The following RC3H2 variants were observed in gnomAD, a reference collection of about 807,000 sequenced individuals.
RC3H2 encodes roquin-2.
In RC3H2, 31 loss-of-function variants were observed where a neutral mutation model predicts 133.3. The observed-to-expected ratio is 0.23, with a 90% CI of 0.17 to 0.31. The LOEUF is 0.31. RC3H2 is among the 10% of genes least tolerant of loss of function. The pLI, the probability that RC3H2 is intolerant of heterozygous loss-of-function variation, is 1.00. For missense variants in RC3H2, 1,175 were observed against 1,437.2 expected, an observed-to-expected ratio of 0.82 and a Z score of 2.95; for synonymous variants, 517 against 502.2, an observed-to-expected ratio of 1.03 and a Z score of -0.40.
At chr9:122,885,542 T>C (rs1421164110) in intron 4 of RC3H2, among the ~76,000 whole-genome samples, 1 of 152,222 alleles carries the variant, frequency 6.6e-6, no homozygotes, top group Non-Finnish European at 1.5e-5. Context: ...GGAACTATAA[T>C]GGCAAAAACC....
At chr9:122,880,338 C>T (rs1430467185) in intron 6 of RC3H2, 6 of 783,994 alleles carry the variant, frequency 7.7e-6, no homozygotes, top group Non-Finnish European at 1.3e-5. Flanking sequence ...TATTAACTCT[C>T]TGAGGTCAGA....
In RC3H2 at chr9:122,849,460, C is replaced by A; in HGVS notation, c.*167G>T. 4.9e-6 allele frequency: 1 copy of A among 205,358 alleles called. No individual in the cohort carries two copies. The highest frequency in any genetic ancestry group is 2.4e-5 in the African/African-American group (1 of 42,166). The allele number at this position is 205,358 out of a possible 1,614,324, so 12.7% of individuals were successfully genotyped here. On this transcript the variant is annotated 3_prime_UTR_variant, in exon 21 of 21. Coordinates refer to ENST00000357244, the MANE Select transcript of RC3H2 (RefSeq NM_001100588.3). ...AATTTTCTTTTTTTTTTTCATAATG[C>A]TAATGCAAGAGGGCTTGAAGTATCA... is the stretch of plus-strand genomic sequence containing the variant.
chr9:122,887,355 T>C (rs1258981708), intron 4 of RC3H2, among the ~76,000 whole-genome samples: 1 of 152,118 alleles, frequency 6.6e-6, no homozygotes, highest in East Asian at 1.9e-4. Context: ...TAGGAGCTCC[T>C]TCATGTTCAA....
intron 9 of RC3H2, among the ~76,000 whole-genome samples, chr9:122,872,694 C>A (rs1379647374): frequency 2.0e-5 from 3 of 152,188 alleles, no homozygotes; most frequent in Non-Finnish European, 2.9e-5. Flanking sequence ...ACGCGATTCT[C>A]GTGCCTCAGC....
At chr9:122,858,623 G>T in intron 12 of RC3H2, 46 bp downstream of exon 12, 2 of 1,526,338 alleles carry the variant, frequency 1.3e-6, no homozygotes, top group South Asian at 1.2e-5. Flanking sequence ...TTTGACTCCA[G>T]ACACTGGGCT....
At chr9:122,878,697 T>C (rs1027149551) in intron 8 of RC3H2, among the ~76,000 whole-genome samples, 3 of 152,148 alleles carry the variant, frequency 2.0e-5, no homozygotes, top group Non-Finnish European at 1.5e-5. Flanking sequence ...GAATGGCTCA[T>C]AATAATTTAT....
intron 15 of RC3H2, 67 bp from the exon 16 acceptor site, chr9:122,854,682 A>G: frequency 9.9e-7 from 1 of 1,009,656 alleles, no homozygotes; most frequent in Middle Eastern, 2.0e-4. Flanking sequence ...GTGAATGTAT[A>G]CTTCTCAAAA....
chr9:122,895,229 G>T (rs1360772069), intron 2 of RC3H2, among the ~76,000 whole-genome samples: 5 of 149,464 alleles, frequency 3.3e-5, no homozygotes, highest in African/African-American at 9.9e-5. Flanking sequence ...GCACGATCTT[G>T]GCTCTCTGCA....
Position 122,846,809 on chromosome 9 carries a change from C to G in RC3H2, c.*2818G>C, listed in dbSNP as rs1370635519. 2 of 152,076 alleles carry G rather than the reference C, an allele frequency of 1.3e-5. No homozygotes were observed. Among genetic ancestry groups the G allele is most frequent in the African/African-American group, 4.8e-5 (2 of 41,410 alleles). 9.4% of individuals were successfully genotyped at this position (152,076 alleles called of 1,614,324 possible). ...TGCCTCAATTTTAAAAAGTCATATC[C>G]TAGGTCTGATTTGTAACATTTTCCT... On this transcript the variant is annotated 3_prime_UTR_variant, in exon 21 of 21. Coordinates refer to ENST00000357244, the MANE Select transcript of RC3H2 (RefSeq NM_001100588.3).
chr9:122,871,084 TTTATCTTTCCG>T (rs1831066254), intron 9 of RC3H2, among the ~76,000 whole-genome samples: 1 of 152,158 alleles, frequency 6.6e-6, no homozygotes, highest in Non-Finnish European at 1.5e-5. Flanking sequence ...AGGAGAATAA[TTTATCTTTCCG>T]CTACCAATTC....
chr9:122,870,844 T>C (rs1286840349), intron 9 of RC3H2, among the ~76,000 whole-genome samples: 1 of 152,224 alleles, frequency 6.6e-6, no homozygotes, highest in Admixed American at 6.5e-5. Flanking sequence ...AAAAGCTCAA[T>C]CCAATTCTTT....
Position 122,858,771 on chromosome 9 carries a change from G to C in RC3H2, c.2181C>G (p.Val727=). 1 of 1,614,216 alleles carries C rather than the reference G, an allele frequency of 6.2e-7. No homozygotes were observed. Among genetic ancestry groups the C allele is most frequent in the Non-Finnish European group, 8.5e-7 (1 of 1,180,012 alleles). ...LPPMDVMHSS[V]YQTSLRERYN... is the part of the protein sequence containing the mutation. ...ATCTTTCCCGCAAAGATGTCTGATA[G>C]ACAGATGAGTGCATCACATCCATTG... Residue 727 remains valine, a synonymous_variant, in exon 12 of 21, where the codon GTC becomes GTG. Coordinates refer to ENST00000357244, the MANE Select transcript of RC3H2 (RefSeq NM_001100588.3).
Position 122,899,090 on chromosome 9 carries a change from G to GGTTT in RC3H2, c.-67-1515_-67-1514insAAAC, listed in dbSNP as rs1564322863. Among the ~76,000 whole-genome samples the GGTTT allele has an allele frequency of 9.0e-5, 8 of 88,410 alleles. 3 individuals carry two copies. Among genetic ancestry groups the GGTTT allele is most frequent in the Non-Finnish European group, 8.1e-5 (4 of 49,386 alleles). 58.0% of individuals were successfully genotyped at this position (88,410 alleles called of 152,430 possible). On this transcript the variant is annotated intron_variant, in intron 1 of 20. Coordinates refer to ENST00000357244, the MANE Select transcript of RC3H2 (RefSeq NM_001100588.3). ...AAAAAATTCTATTAGCCTTTATTGT[G>GGTTT]TTTTTTTTTTTTTTTTTTTTTTTTT...
intron 11 of RC3H2, 42 bp from the exon 12 acceptor site, chr9:122,859,144 C>T (rs1277087255): frequency 1.4e-6 from 2 of 1,418,756 alleles, no homozygotes; most frequent in East Asian, 5.3e-5. Flanking sequence ...AATCTTAGTA[C>T]AATCCAACAT....
chr9:122,855,945 T>C, intron 13 of RC3H2, 67 bp from the exon 14 acceptor site: 1 of 1,287,956 alleles, frequency 7.8e-7, no homozygotes, highest in South Asian at 1.5e-5. Context: ...GTAACTAATA[T>C]AAAGTAACTA....
At chr9:122,868,895 GTTT>G (rs10709763) in intron 9 of RC3H2, among the ~76,000 whole-genome samples, 3 of 99,612 alleles carry the variant, frequency 3.0e-5, no homozygotes, top group Admixed American at 1.1e-4. Flanking sequence ...GTGTGTATGT[GTTT>G]TTTTTTTTTT....
Position 122,865,294 on chromosome 9 carries a change from G to C in RC3H2, c.1634+55C>G, listed in dbSNP as rs534352319. The C allele has an allele frequency of 2.7e-5, 39 of 1,432,460 alleles. No homozygotes were observed. In the African/African-American group the frequency reaches 4.6e-4, roughly 17 times the overall value. The allele number at this position is 1,432,460 out of a possible 1,614,324, so 88.7% of individuals were successfully genotyped here. ...TCATCAGCAGAAATAAAAACACTCA[G>C]GCATTTCTAAAAAGGAAAAAGAATT... On this transcript the variant is annotated intron_variant, in intron 10 of 20. Transcript: ENST00000357244.
At position 122,879,756 on chromosome 9, in the gene RC3H2, T is replaced by C; in HGVS notation, c.1211A>G (p.Gln404Arg). The C allele has an allele frequency of 6.3e-7, 1 of 1,589,618 alleles. No individual in the cohort carries two copies. Among genetic ancestry groups the C allele is most frequent in the Non-Finnish European group, 8.6e-7 (1 of 1,160,344 alleles). The change falls in exon 8 of 21, where the codon CAG becomes CGG. Residue 404 changes from glutamine to arginine, a missense_variant and splice_region_variant. This residue lies in a region of RC3H2 where 131 missense variants were observed against 154.2 expected (regional missense o/e 0.85). Transcript: ENST00000357244. ...CAGAAATGTAATAAATGTACTTACC[T>C]GAGGGGTCTCATGGCCTTTTCTACT... ...NYSRKGHETP[Q>R]PQPNSKYKTS...
Position 122,855,833 on chromosome 9 carries a change from A to G in RC3H2, c.2500T>C (p.Ser834Pro). Reference protein sequence around the residue: ...SGTKFEEDHLSHYSPWSCGTI... With the variant: ...SGTKFEEDHLPHYSPWSCGTI... Reference sequence around the variant, plus strand: ...CCACAAGACCAGGGAGAATAATGGGAAAGATGATCTTCTTCAAATTTTGTA... The same window carrying G: ...CCACAAGACCAGGGAGAATAATGGGGAAGATGATCTTCTTCAAATTTTGTA... The change falls in exon 14 of 21, where the codon TCC (serine) becomes CCC (proline). Residue 834 changes from serine (S) to proline (P), a missense_variant. Physicochemically the swap from Ser to Pro is moderately conservative, Grantham distance 74. Transcript: ENST00000357244. The G allele has an allele frequency of 6.2e-7, 1 of 1,613,774 alleles. No individual in the cohort carries two copies.
Sources: gnomAD v4.1 joint callset for allele counts (sites outside exome capture counted in the v4.1 genomes callset) on GRCh38, gnomAD v4.1.1 for gene constraint, gnomAD v4.1.1 regional missense constraint, MANE v1.5 for transcripts, NCBI Gene and HGNC (gene_info 2026-07-23, HGNC 2026-07-21) for gene names.